RALGDS: variants seen among roughly 807,000 people sequenced by gnomAD.
The protein encoded by RALGDS is ral guanine nucleotide exchange factor.
RALGDS carries 44 observed loss-of-function variants against 99.8 expected under a neutral mutation model. The ratio of observed to expected loss-of-function variants is 0.44; its 90% CI spans 0.35 to 0.57. RALGDS has a LOEUF of 0.57. RALGDS is among the 20% of genes least tolerant of loss of function. The pLI is 0.01. For missense variants in RALGDS, 1,022 were observed against 1,203.1 expected, an observed-to-expected ratio of 0.85 and a Z score of 2.23; for synonymous variants, 529 against 505.0, an observed-to-expected ratio of 1.05 and a Z score of -0.64.
chr9:133,148,840 A>C, intron 1 of RALGDS: 1 of 1,252,766 alleles, frequency 8.0e-7, no homozygotes, highest in Non-Finnish European at 1.1e-6. Flanking sequence ...TTGGACGCGG[A>C]GCTGCGTAAG....
At position 133,144,619 on chromosome 9, in the gene RALGDS, G is replaced by A. The variant is rs1236205222; in HGVS notation, c.18+4344C>T. On this transcript the variant is annotated intron_variant, in intron 1 of 17. Coordinates refer to the RALGDS transcript ENST00000393160. The surrounding 1 kb of genome is among the most constrained non-coding windows in gnomAD (Gnocchi z 4.5). ...GCGCCACCTGCTGGTGCTGCCGCCA[G>A]AGCGCGCCAAGCTGAGGAGCAGGCG... 1.3e-5 allele frequency among the ~76,000 whole-genome samples: 2 copies of A among 152,228 alleles called. No individual in the cohort carries two copies. The highest frequency in any genetic ancestry group is 2.9e-5 in the Non-Finnish European group (2 of 68,032).
chr9:133,112,840 G>A (rs1231748832), intron 1 of RALGDS, among the ~76,000 whole-genome samples: 2 of 152,190 alleles, frequency 1.3e-5, no homozygotes, highest in Non-Finnish European at 2.9e-5. Flanking sequence ...GCCTGCTTGG[G>A]CAATGGGAGT....
At chr9:133,145,486 A>G (rs1258154680) in intron 1 of RALGDS, among the ~76,000 whole-genome samples, 1 of 148,202 alleles carries the variant, frequency 6.7e-6, no homozygotes, top group South Asian at 2.1e-4. Context: ...AAAAATCTGT[A>G]TGTTCGTCAT....
chr9:133,100,309 G>A lies in RALGDS; in HGVS notation c.2528C>T (p.Pro843Leu), dbSNP rs759790902. ...AATCTGCAGCAGCTCATAGTCCTCC[G>A]GCTCCTCCTCCTCCAGGTTGTGTTT... Reference protein sequence around the residue: ...MDKHNLEEEEPEDYELLQILS... With the variant: ...MDKHNLEEEELEDYELLQILS... Residue 843 changes from proline (P) to leucine (L), a missense_variant, in exon 17 of 18, where the codon CCG (proline) becomes CTG (leucine). This residue lies in a region of RALGDS where 825 missense variants were observed against 994.5 expected (regional missense o/e 0.83). Coordinates refer to ENST00000372050, the MANE Select transcript of RALGDS (RefSeq NM_006266.4). 6.2e-6 allele frequency: 10 copies of A among 1,614,040 alleles called. No homozygotes were observed. The highest frequency in any genetic ancestry group is 2.2e-5 in the East Asian group (1 of 44,892).
intron 1 of RALGDS, among the ~76,000 whole-genome samples, chr9:133,127,720 C>T (rs1832207020): frequency 6.6e-6 from 1 of 152,228 alleles, no homozygotes; most frequent in Admixed American, 6.5e-5. Flanking sequence ...GCTTCTTCCT[C>T]CTCCTTCTGC....
intron 11 of RALGDS, among the ~76,000 whole-genome samples, chr9:133,103,478 G>T (rs570119852): frequency 6.6e-6 from 1 of 152,174 alleles, no homozygotes; most frequent in Non-Finnish European, 1.5e-5. Context: ...CTGAGGCCTT[G>T]GGTGAGAAGG....
chr9:133,102,109 G>A lies in RALGDS; in HGVS notation c.2040C>T (p.Thr680=), dbSNP rs1312590688. 2 of 1,574,526 alleles carry A rather than the reference G, an allele frequency of 1.3e-6. No homozygotes were observed. Among genetic ancestry groups the A allele is most frequent in the South Asian group, 2.3e-5 (2 of 85,766 alleles). Reference sequence around the variant, plus strand: ...AGGACTTGGAGTGGGAGCTGCCACTGGTACTGAGCTCAGTGCTGGGGGCCT... The same window carrying A: ...AGGACTTGGAGTGGGAGCTGCCACTAGTACTGAGCTCAGTGCTGGGGGCCT... ...DRQAPSTELS[T]SGSSHSKSCD... The change falls in exon 15 of 18, where the codon ACC becomes ACT. Residue 680 remains threonine (T), a synonymous_variant. Transcript: ENST00000372050.
chr9:133,144,051 G>A lies in RALGDS; in HGVS notation c.18+4912C>T, dbSNP rs1051664854. 5.3e-5 allele frequency among the ~76,000 whole-genome samples: 8 copies of A among 152,122 alleles called. No individual in the cohort carries two copies. The highest frequency in any genetic ancestry group is 5.2e-4 in the Admixed American group (8 of 15,276). ...AGGCATCCCAGCTCCCCTGAGGCAG[G>A]GTCTGGGGCTGGGGTTGGGGGGAAG... On this transcript the variant is annotated intron_variant, in intron 1 of 17. Coordinates refer to the RALGDS transcript ENST00000393160. This position sits in a 1 kb window ranked among gnomAD's most constrained non-coding sequence, Gnocchi z 4.5.
chr9:133,146,876 T>C (rs117322380), intron 1 of RALGDS, among the ~76,000 whole-genome samples: 3,672 of 152,266 alleles, frequency 0.024, 70 homozygotes, highest in South Asian at 0.038. Context: ...CAGTCAAAAC[T>C]GAATCCTGCC....
rs1199227442 is a variant in RALGDS, at chr9:133,104,326, G to A, written c.1608C>T (p.Gly536=). Residue 536 remains glycine, a synonymous_variant, in exon 10 of 18, where the codon GGC becomes GGT. Transcript: ENST00000372050. The part of the protein sequence containing the change: ...SLSRELLIKE[G]TSKFATLEMN... The stretch of plus-strand genomic sequence containing the variant: ...TCTCCAGGGTGGCAAACTTGGAGGT[G>A]CCCTCCTGCCAGGGTAGAGGACAGG... The A allele has an allele frequency of 4.3e-6, 7 of 1,612,550 alleles. No homozygotes were observed. Among genetic ancestry groups the A allele is most frequent in the Middle Eastern group, 3.3e-4 (2 of 6,078 alleles).
chr9:133,110,116 C>T (rs754517885), intron 3 of RALGDS, among the ~76,000 whole-genome samples, 180 bp downstream of exon 3: 11 of 152,202 alleles, frequency 7.2e-5, no homozygotes, highest in African/African-American at 1.9e-4. Context: ...GCACTTTCCA[C>T]GCCTCATCCC....
intron 9 of RALGDS, among the ~76,000 whole-genome samples, chr9:133,105,716 G>C (rs1830984936): frequency 6.6e-6 from 1 of 152,062 alleles, no homozygotes; most frequent in Admixed American, 6.5e-5. Context: ...AATTAACTGG[G>C]GCCCTGTCCC....
chr9:133,139,654 C>T (rs1307399709), intron 1 of RALGDS, among the ~76,000 whole-genome samples: 1 of 152,162 alleles, frequency 6.6e-6, no homozygotes, highest in Non-Finnish European at 1.5e-5. Flanking sequence ...CCGTAGTTCC[C>T]CTACCTGAAA....
rs1290036550 is a variant in RALGDS at position 133,100,161 on chromosome 9, C to T, written c.2569+107G>A. ...AGGGCTGCCCTGTCCACAGTGTCTACCCACACTCTGCTGGTGAATTTTCTG... is the reference window on the plus strand; with the variant it reads ...AGGGCTGCCCTGTCCACAGTGTCTATCCACACTCTGCTGGTGAATTTTCTG... On this transcript the variant is annotated intron_variant, in intron 17 of 17. Transcript: ENST00000372050. 7.8e-6 allele frequency: 8 copies of T among 1,031,898 alleles called. No individual in the cohort carries two copies. The South Asian group carries it at 8.8e-5, about 11-fold the overall frequency. 63.9% of individuals were successfully genotyped at this position (1,031,898 alleles called of 1,614,324 possible). A position where few individuals can be genotyped will look rare whatever the true frequency, so the allele number is the denominator to read the frequency against.
chr9:133,103,705 T>C (rs770706578), intron 11 of RALGDS, 42 bp downstream of exon 11: 5 of 1,593,072 alleles, frequency 3.1e-6, no homozygotes, highest in Non-Finnish European at 4.3e-6. Flanking sequence ...AGGGAAGGTC[T>C]CTCCTCCCGG....
At chr9:133,108,985 TG>T in intron 4 of RALGDS, 119 bp from the exon 5 acceptor site, 1 of 1,032,318 alleles carries the variant, frequency 9.7e-7, no homozygotes. Context: ...CCCCCTTGGC[TG>T]TCCAGCTAAA....
intron 1 of RALGDS, among the ~76,000 whole-genome samples, chr9:133,113,921 G>A (rs950591436): frequency 2.0e-5 from 3 of 152,226 alleles, no homozygotes; most frequent in Non-Finnish European, 4.4e-5. Flanking sequence ...ATTAACCCTG[G>A]GGGAGCCCAG....
At chr9:133,145,223 T>C (rs1374510114) in intron 1 of RALGDS, among the ~76,000 whole-genome samples, 1 of 152,170 alleles carries the variant, frequency 6.6e-6, no homozygotes, top group Non-Finnish European at 1.5e-5. Flanking sequence ...CGATAGACAC[T>C]GGTCCCAGTC....
At chr9:133,147,452 C>A (rs28712531) in intron 1 of RALGDS, among the ~76,000 whole-genome samples, 2 of 152,218 alleles carry the variant, frequency 1.3e-5, no homozygotes, top group African/African-American at 4.8e-5. Flanking sequence ...TTCAGAGCCA[C>A]ACCCAAGCCC....
Sources: gnomAD v4.1 joint callset for allele counts (sites outside exome capture counted in the v4.1 genomes callset) on GRCh38, gnomAD v4.1.1 for gene constraint, gnomAD v4.1.1 regional missense constraint, Gnocchi (gnomAD v3.1) non-coding constraint, MANE v1.5 for transcripts, NCBI Gene and HGNC (gene_info 2026-07-23, HGNC 2026-07-21) for gene names.